Variants in ESYT2 observed in about 807,000 individuals in gnomAD.
ESYT2 encodes extended synaptotagmin 2.
In ESYT2, 54 loss-of-function variants were observed where a neutral mutation model predicts 107.2. The observed-to-expected ratio is 0.50, with a 90% CI of 0.40 to 0.63. ESYT2 has a LOEUF of 0.63. Ranked by LOEUF, ESYT2 falls within the 30% of genes least tolerant of loss-of-function variation. ESYT2 has a pLI of 0.00. For synonymous variants in ESYT2, 491 were observed against 434.1 expected (o/e 1.13, Z -1.63); for missense variants, 1,020 against 1,094.5 (o/e 0.93, Z 0.96).
Position 158,732,533 on chromosome 7 carries a change from T to G in ESYT2, c.*1674A>C, listed in dbSNP as rs1008678845. On this transcript the variant is annotated 3_prime_UTR_variant, in exon 23 of 23. Transcript: ENST00000275418. ...TGCTGTGAAGCTACAGACTCCATTA[T>G]AAGTAAACCCATGGTTCAAAGTGTA... 9 of 152,290 alleles carry G rather than the reference T, an allele frequency of 5.9e-5. No individual in the cohort carries two copies. Among genetic ancestry groups the G allele is most frequent in the Non-Finnish European group, 1.2e-4 (8 of 68,046 alleles). The allele number at this position is 152,290 out of a possible 1,614,324, so 9.4% of individuals were successfully genotyped here.
chr7:158,825,110 T>C (rs751093153), intron 1 of ESYT2, among the ~76,000 whole-genome samples: 61 of 152,260 alleles, frequency 4.0e-4, no homozygotes, highest in Non-Finnish European at 6.6e-4. Flanking sequence ...CTGGCCAACA[T>C]GGTGAAACCC....
At chr7:158,769,194 T>C (rs944240773) in intron 7 of ESYT2, among the ~76,000 whole-genome samples, 1 of 152,192 alleles carries the variant, frequency 6.6e-6, no homozygotes, top group Non-Finnish European at 1.5e-5. Context: ...CAGTTTAATA[T>C]GGGAAAAAAT....
At position 158,736,727 on chromosome 7, in the gene ESYT2, TTTAA is replaced by T. The variant is rs369967003; in HGVS notation, c.2399+317_2399+320del. 1.3e-3 allele frequency among the ~76,000 whole-genome samples: 195 copies of T among 152,314 alleles called. 4 individuals carry two copies. The East Asian group carries it at 0.031, about 24-fold the overall frequency. On this transcript the variant is annotated intron_variant, in intron 20 of 22. Transcript: ENST00000275418. ...ATATATGTATCCTTAAATTCTCAGTTTTAATTGATAACATAGTTAAGTGTCAACA... is the reference window on the plus strand; with the variant it reads ...ATATATGTATCCTTAAATTCTCAGTTTTGATAACATAGTTAAGTGTCAACA...
At chr7:158,783,902 G>A (rs370439666) in intron 6 of ESYT2, among the ~76,000 whole-genome samples, 6 of 152,362 alleles carry the variant, frequency 3.9e-5, no homozygotes, top group African/African-American at 1.4e-4. Context: ...AGGGACAGAA[G>A]CCATGGGGGA....
At chr7:158,821,920 GC>G (rs141929628) in intron 1 of ESYT2, among the ~76,000 whole-genome samples, 96 of 152,004 alleles carry the variant, frequency 6.3e-4, no homozygotes, top group African/African-American at 2.2e-3. Flanking sequence ...TTTATAACAC[GC>G]CCCCTTAGTT....
intron 8 of ESYT2, among the ~76,000 whole-genome samples, chr7:158,766,144 G>A (rs576641939): frequency 6.6e-6 from 1 of 152,168 alleles, no homozygotes; most frequent in East Asian, 1.9e-4. Context: ...ACTCCAGCCT[G>A]GGCGACAGAG....
chr7:158,806,458 T>A (rs1245721712), intron 1 of ESYT2, among the ~76,000 whole-genome samples: 1 of 152,206 alleles, frequency 6.6e-6, no homozygotes, highest in Non-Finnish European at 1.5e-5. Context: ...AGCCCCCTTT[T>A]AGTGCATGCG....
At chr7:158,805,546 C>T (rs1277443878) in intron 1 of ESYT2, among the ~76,000 whole-genome samples, 1 of 152,090 alleles carries the variant, frequency 6.6e-6, no homozygotes, top group Non-Finnish European at 1.5e-5. Flanking sequence ...ACATAAAAAG[C>T]AGGCCATCAA....
intron 6 of ESYT2, among the ~76,000 whole-genome samples, chr7:158,782,030 TGC>T (rs1491508778): frequency 3.9e-4 from 58 of 150,358 alleles, no homozygotes; most frequent in African/African-American, 1.4e-3. Context: ...GAGGTGTAAG[TGC>T]AAGAACGAGA....
Position 158,820,765 on chromosome 7 carries a change from AAC to A in ESYT2, c.330+8322_330+8323del, listed in dbSNP as rs1463297341. Among the ~76,000 whole-genome samples the A allele has an allele frequency of 2.6e-5, 4 of 152,370 alleles. No homozygotes were observed. The East Asian group carries it at 7.7e-4, about 29-fold the overall frequency. ...TGTGCCACTGCACTCCAGTCTGGGC[AAC>A]AGAGCAAAACCTTGTGTCAAAAAAT... On this transcript the variant is annotated intron_variant, in intron 1 of 22. Coordinates refer to ENST00000275418, the MANE Select transcript of ESYT2 (RefSeq NM_001367773.1).
intron 13 of ESYT2, among the ~76,000 whole-genome samples, chr7:158,757,663 C>T (rs1196425428): frequency 1.4e-5 from 2 of 145,422 alleles, no homozygotes; most frequent in Non-Finnish European, 3.0e-5. Context: ...AGGCACCCCG[C>T]GGCTCTGCAA....
At chr7:158,786,153 T>C (rs1839108532) in intron 6 of ESYT2, among the ~76,000 whole-genome samples, 1 of 152,240 alleles carries the variant, frequency 6.6e-6, no homozygotes, top group Non-Finnish European at 1.5e-5. Flanking sequence ...CATTTGGAAG[T>C]TAATACGTTA....
chr7:158,741,412 T>TC, intron 18 of ESYT2, 111 bp downstream of exon 18: 1 of 1,443,614 alleles, frequency 6.9e-7, no homozygotes, highest in Non-Finnish European at 9.2e-7. Context: ...TAGGCCTCCC[T>TC]CCCCAAAGCA....
Position 158,748,254 on chromosome 7 carries a change from C to T in ESYT2, c.1584G>A (p.Val528=), listed in dbSNP as rs75067101. The T allele has an allele frequency of 3.2e-3, 5,193 of 1,614,150 alleles. 247 individuals carry two copies. In the East Asian group the frequency reaches 0.1, roughly 31 times the overall value. The change falls in exon 16 of 23, where the codon GTG becomes GTA. Residue 528 remains valine, a synonymous_variant. Transcript: ENST00000275418. ...TGAAGAAAGTGAAGTTTTCCTCCCA[C>T]ACAGGTTCATTGGTTTTGTATCGAA... The part of the protein sequence containing the change: ...SKIRYKTNEP[V]WEENFTFFIH...
At chr7:158,759,665 C>A in intron 12 of ESYT2, 84 bp from the exon 13 acceptor site, 2 of 1,146,706 alleles carry the variant, frequency 1.7e-6, no homozygotes, top group Non-Finnish European at 1.2e-6. Flanking sequence ...ATGTTGATTA[C>A]GCTAAAAATA....
At chr7:158,799,845 T>TA (rs1019480981) in intron 1 of ESYT2, among the ~76,000 whole-genome samples, 2 of 151,820 alleles carry the variant, frequency 1.3e-5, no homozygotes, top group African/African-American at 4.8e-5. Context: ...GAAACCTATT[T>TA]AGGGCCAGGC....
intron 1 of ESYT2, among the ~76,000 whole-genome samples, chr7:158,826,414 G>A (rs1457421558): frequency 6.6e-6 from 1 of 151,924 alleles, no homozygotes. Flanking sequence ...AAAACATTCT[G>A]GAGAAAATAT....
chr7:158,767,804 G>T (rs114715168), intron 7 of ESYT2, 30 bp from the exon 8 acceptor site: 1 of 1,595,378 alleles, frequency 6.3e-7, no homozygotes, highest in Non-Finnish European at 8.6e-7. Flanking sequence ...AAGAGCAAAC[G>T]GACTATCAGA....
intron 7 of ESYT2, 113 bp downstream of exon 7, chr7:158,773,228 C>T: frequency 8.9e-7 from 1 of 1,128,370 alleles, no homozygotes; most frequent in Non-Finnish European, 1.3e-6. Flanking sequence ...GGAGAAGGCA[C>T]CCATTCACCT....
Sources: gnomAD v4.1 joint callset for allele counts (sites outside exome capture counted in the v4.1 genomes callset) on GRCh38, gnomAD v4.1.1 for gene constraint, MANE v1.5 for transcripts, NCBI Gene and HGNC (gene_info 2026-07-23, HGNC 2026-07-21) for gene names.